IGF1R: variants seen among roughly 807,000 people sequenced by gnomAD.
IGF1R encodes insulin-like growth factor 1 receptor.
A neutral mutation model predicts 144.6 loss-of-function variants in IGF1R; 44 were observed. That is an observed-to-expected ratio of 0.30 (90% confidence interval 0.24 to 0.39). The LOEUF is 0.39. Among genes scored for constraint, IGF1R ranks in the 10% least tolerant of loss-of-function variants. IGF1R has a pLI of 1.00. For missense variants in IGF1R, 1,355 were observed against 1,833.7 expected, an observed-to-expected ratio of 0.74 and a Z score of 4.77; for synonymous variants, 795 against 722.8, an observed-to-expected ratio of 1.10 and a Z score of -1.60.
At position 98,958,624 on chromosome 15, in the gene IGF1R, A is replaced by G. The variant is rs1335046905; in HGVS notation, c.*1182A>G. 3 of 232,376 alleles carry G rather than the reference A, an allele frequency of 1.3e-5. No individual in the cohort carries two copies. The highest frequency in any genetic ancestry group is 2.6e-5 in the Non-Finnish European group (3 of 117,356). The allele number at this position is 232,376 out of a possible 1,614,324, so 14.4% of individuals were successfully genotyped here. A position where few individuals can be genotyped will look rare whatever the true frequency, so the allele number is the denominator to read the frequency against. On this transcript the variant is annotated 3_prime_UTR_variant, in exon 21 of 21. Coordinates refer to ENST00000650285, the MANE Select transcript of IGF1R (RefSeq NM_000875.5). ...ACAGTTCTATGTTAGACCATGAAAC[A>G]TTTGCATACACATCGTCTTTAATGT...
chr15:98,890,426 T>C (rs990322856), intron 2 of IGF1R: 3 of 152,212 alleles, frequency 2.0e-5, no homozygotes, highest in African/African-American at 4.8e-5. Context: ...TTACATGTCA[T>C]AGCAACATCA....
rs1221678611 is a variant in IGF1R, at chr15:98,959,985, ATGTGTGGGGTGTGTGTG to A, written c.*2548_*2564del. 4.4e-6 allele frequency: 1 copy of A among 228,116 alleles called. No homozygotes were observed. Among genetic ancestry groups the A allele is most frequent in the Non-Finnish European group, 8.6e-6 (1 of 116,070 alleles). The allele number at this position is 228,116 out of a possible 1,614,324, so 14.1% of individuals were successfully genotyped here. ...TCAAGGAAAGGGTGTGTGTGTGTGT[ATGTGTGGGGTGTGTGTG>A]TGTGAGAGTGATGGGACAGTTCTTG... On this transcript the variant is annotated 3_prime_UTR_variant, in exon 21 of 21. Coordinates refer to ENST00000650285, the MANE Select transcript of IGF1R (RefSeq NM_000875.5).
Position 98,888,438 on chromosome 15 carries a change from A to AGTGTGTGTGTGT in IGF1R, c.641-2870_641-2859dup, listed in dbSNP as rs1191582086. 5.4e-3 allele frequency among the ~76,000 whole-genome samples: 779 copies of AGTGTGTGTGTGT among 143,450 alleles called. 11 individuals are homozygous for AGTGTGTGTGTGT. The highest frequency in any genetic ancestry group is 0.028 in the Admixed American group (401 of 14,258). 94.1% of individuals were successfully genotyped at this position (143,450 alleles called of 152,430 possible). ...TGGGGGTTTGATGAGAGAGAGAGAG[A>AGTGTGTGTGTGT]GTGTGTGTGTGTGTGTGTGTGTGTG... On this transcript the variant is annotated intron_variant, in intron 2 of 20. Transcript: ENST00000650285.
intron 10 of IGF1R, among the ~76,000 whole-genome samples, chr15:98,919,225 T>C (rs929102872): frequency 1.3e-5 from 2 of 152,218 alleles, no homozygotes; most frequent in Admixed American, 6.5e-5. Flanking sequence ...TCTCCTCCAT[T>C]GCGTTGCTTC....
At chr15:98,903,528 G>A (rs570316635) in intron 5 of IGF1R, among the ~76,000 whole-genome samples, 9 of 152,222 alleles carry the variant, frequency 5.9e-5, no homozygotes, top group East Asian at 3.9e-4. Context: ...TAGCAATTCC[G>A]GGATCCACCC....
chr15:98,913,287 C>G lies in IGF1R; in HGVS notation c.1828+5C>G. 2 of 1,606,818 alleles carry G rather than the reference C, an allele frequency of 1.2e-6. No homozygotes were observed. Among genetic ancestry groups the G allele is most frequent in the Non-Finnish European group, 1.7e-6 (2 of 1,173,356 alleles). On this transcript the variant is annotated splice_donor_5th_base_variant and intron_variant, in intron 8 of 20. Coordinates refer to ENST00000650285, the MANE Select transcript of IGF1R (RefSeq NM_000875.5). ...ACATTCGCACCAATGCTTCAGGTAT[C>G]CATGCCTAGACAAGCCCCCAGCATC...
chr15:98,807,796 T>A (rs1230931094), intron 2 of IGF1R, among the ~76,000 whole-genome samples: 1 of 152,368 alleles, frequency 6.6e-6, no homozygotes, highest in South Asian at 2.1e-4. Context: ...CCTTGCCGTT[T>A]ATGGGTCCTT....
intron 2 of IGF1R, among the ~76,000 whole-genome samples, chr15:98,820,600 A>T (rs934884455): frequency 2.0e-5 from 3 of 152,228 alleles, no homozygotes; most frequent in African/African-American, 7.2e-5. Flanking sequence ...CAGTGTCATT[A>T]TAAATTACTT....
At chr15:98,855,393 G>A (rs1274287172) in intron 2 of IGF1R, among the ~76,000 whole-genome samples, 1 of 152,186 alleles carries the variant, frequency 6.6e-6, no homozygotes, top group Middle Eastern at 3.2e-3. Context: ...ACTGTGCCTG[G>A]CCCTGAATTC....
At position 98,751,949 on chromosome 15, in the gene IGF1R, A is replaced by G. The variant is rs1279619603; in HGVS notation, c.640+43842A>G. ...TCTGTATAAACAACTTACATAATAC[A>G]GACTCTTCACTGTTTGTATTATACA... On this transcript the variant is annotated intron_variant, in intron 2 of 20. Coordinates refer to ENST00000650285, the MANE Select transcript of IGF1R (RefSeq NM_000875.5). 3.3e-5 allele frequency among the ~76,000 whole-genome samples: 5 copies of G among 152,294 alleles called. No homozygotes were observed. The East Asian group carries it at 5.8e-4, about 18-fold the overall frequency.
chr15:98,720,059 C>CATAG (rs1185005739), intron 2 of IGF1R, among the ~76,000 whole-genome samples: 1 of 152,176 alleles, frequency 6.6e-6, no homozygotes, highest in Non-Finnish European at 1.5e-5. Context: ...CTTGGTTATA[C>CATAG]ATAGTGCATT....
intron 1 of IGF1R, among the ~76,000 whole-genome samples, chr15:98,656,706 ACTC>A (rs1313327541): frequency 6.6e-6 from 1 of 152,098 alleles, no homozygotes; most frequent in African/African-American, 2.4e-5. Flanking sequence ...GTTTTATCTC[ACTC>A]CTCAGTCTTA....
chr15:98,747,799 A>G (rs1441149378), intron 2 of IGF1R, among the ~76,000 whole-genome samples: 1 of 152,154 alleles, frequency 6.6e-6, no homozygotes, highest in Non-Finnish European at 1.5e-5. Context: ...CTATGACCAA[A>G]TTTGGTTTGA....
chr15:98,749,776 C>T (rs1413187841), intron 2 of IGF1R, among the ~76,000 whole-genome samples: 1 of 152,164 alleles, frequency 6.6e-6, no homozygotes, highest in South Asian at 2.1e-4. Flanking sequence ...AGGCAGGTGA[C>T]AGCATGGTGG....
chr15:98,717,413 A>G (rs979618676), intron 2 of IGF1R, among the ~76,000 whole-genome samples: 4 of 152,042 alleles, frequency 2.6e-5, no homozygotes, highest in African/African-American at 7.2e-5. Flanking sequence ...TGTGTTGACT[A>G]TATATGTTCA....
At chr15:98,653,212 A>G (rs1193036093) in intron 1 of IGF1R, among the ~76,000 whole-genome samples, 2 of 152,228 alleles carry the variant, frequency 1.3e-5, no homozygotes, top group African/African-American at 2.4e-5. Flanking sequence ...TTTAAAAAAC[A>G]CAAATGCTGG....
chr15:98,649,933 A>G (rs2052307920), intron 1 of IGF1R, among the ~76,000 whole-genome samples: 1 of 152,086 alleles, frequency 6.6e-6, no homozygotes, highest in African/African-American at 2.4e-5. Flanking sequence ...CTCCGTCCTG[A>G]CAGCCCAGCC....
intron 2 of IGF1R, among the ~76,000 whole-genome samples, chr15:98,888,235 G>A (rs920608419): frequency 1.3e-5 from 2 of 152,218 alleles, no homozygotes; most frequent in Non-Finnish European, 2.9e-5. Flanking sequence ...TGGCACACAG[G>A]TGCAGCACAC....
At chr15:98,761,460 A>C (rs143055026) in intron 2 of IGF1R, among the ~76,000 whole-genome samples, 3,032 of 152,364 alleles carry the variant, frequency 0.02, 44 homozygotes, top group Non-Finnish European at 0.03. Flanking sequence ...TTCATGGACC[A>C]GTCACAGAGG....
Sources: allele counts gnomAD v4.1 joint callset (sites outside exome capture counted in the v4.1 genomes callset), GRCh38; gene constraint gnomAD v4.1.1; transcripts MANE v1.5; gene names NCBI Gene and HGNC (gene_info 2026-07-23, HGNC 2026-07-21).